Variants in KAZN observed in about 807,000 individuals in gnomAD.
The protein encoded by KAZN is kazrin.
In KAZN, 40 loss-of-function variants were observed where a neutral mutation model predicts 87.4. The observed-to-expected ratio is 0.46, with a 90% confidence interval of 0.36 to 0.60. KAZN has a LOEUF of 0.60. Among genes scored for constraint, KAZN ranks in the 20% least tolerant of loss-of-function variants. The pLI is 0.00. For missense variants in KAZN, 898 were observed against 1,073.9 expected, an observed-to-expected ratio of 0.84 and a Z score of 2.29; for synonymous variants, 466 against 458.3, an observed-to-expected ratio of 1.02 and a Z score of -0.22.
intron 8 of KAZN, among the ~76,000 whole-genome samples, chr1:15,082,003 G>A (rs1444170630): frequency 6.6e-6 from 1 of 152,200 alleles, no homozygotes; most frequent in Non-Finnish European, 1.5e-5. Flanking sequence ...GATACAGCTG[G>A]AGTGCTCCAG....
intron 2 of KAZN, among the ~76,000 whole-genome samples, chr1:14,358,911 G>A (rs6683815): frequency 0.018 from 2,665 of 152,276 alleles, 87 homozygotes; most frequent in African/African-American, 0.061. Flanking sequence ...TTTTGATTTG[G>A]GGTGGAGAGT....
intron 2 of KAZN, among the ~76,000 whole-genome samples, chr1:14,501,937 C>A (rs1262870588): frequency 1.3e-5 from 2 of 152,120 alleles, no homozygotes; most frequent in African/African-American, 4.8e-5. Flanking sequence ...AACAGCAGAT[C>A]AGTTCTTCCT....
intron 2 of KAZN, among the ~76,000 whole-genome samples, chr1:14,497,463 A>G (rs1451100107): frequency 6.6e-6 from 1 of 152,166 alleles, no homozygotes; most frequent in African/African-American, 2.4e-5. Context: ...TCACAAAAGT[A>G]AATCAGAGTC....
intron 2 of KAZN, among the ~76,000 whole-genome samples, chr1:14,346,214 C>A (rs1658096539): frequency 6.6e-6 from 1 of 152,124 alleles, no homozygotes; most frequent in Non-Finnish European, 1.5e-5. Flanking sequence ...TGAAAATGCA[C>A]AAGACTCTTC....
chr1:14,583,185 G>C (rs1351075426), intron 2 of KAZN, among the ~76,000 whole-genome samples: 1 of 152,244 alleles, frequency 6.6e-6, no homozygotes, highest in Non-Finnish European at 1.5e-5. Context: ...CAGAGACCTG[G>C]TGGAGGTCAA....
intron 2 of KAZN, chr1:14,350,833 C>T (rs1658485860): frequency 6.6e-6 from 1 of 152,302 alleles, no homozygotes; most frequent in Non-Finnish European, 1.5e-5. Context: ...GCAAATTTCC[C>T]CAGAGTTTCA....
chr1:14,290,237 G>A (rs998047015), intron 2 of KAZN, among the ~76,000 whole-genome samples: 3 of 152,172 alleles, frequency 2.0e-5, no homozygotes, highest in African/African-American at 7.2e-5. Flanking sequence ...TTGCTAGGTT[G>A]GGTATTATCT....
In KAZN at chr1:14,762,409, C is replaced by A. The variant is rs570233580; in HGVS notation, c.226+163186C>A. The stretch of plus-strand genomic sequence containing the variant: ...GGGCTTCAGGTAGCAGGTGGTGGGA[C>A]CTTCCTGGCATGGTGGCATCAAGAA... On this transcript the variant is annotated intron_variant, in intron 1 of 14. Coordinates refer to ENST00000376030, the MANE Select transcript of KAZN (RefSeq NM_201628.3). 1.4e-4 allele frequency among the ~76,000 whole-genome samples: 21 copies of A among 152,214 alleles called. No homozygotes were observed. In the South Asian group the frequency reaches 3.1e-3, roughly 23 times the overall value.
chr1:13,950,627 C>T (rs542195320), intron 1 of KAZN, among the ~76,000 whole-genome samples: 4 of 152,168 alleles, frequency 2.6e-5, no homozygotes, highest in South Asian at 2.1e-4. Flanking sequence ...AAGGCAGCGT[C>T]GGACTGCAGG....
At chr1:14,214,932 A>G (rs1318711014) in intron 2 of KAZN, among the ~76,000 whole-genome samples, 1 of 152,258 alleles carries the variant, frequency 6.6e-6, no homozygotes, top group Non-Finnish European at 1.5e-5. Flanking sequence ...AACACAGGTA[A>G]GGTGATAAAT....
chr1:14,743,910 A>G (rs1233252346), intron 1 of KAZN, among the ~76,000 whole-genome samples: 1 of 152,166 alleles, frequency 6.6e-6, no homozygotes, highest in Non-Finnish European at 1.5e-5. Context: ...GAGGGGATCA[A>G]TCTTACCTCA....
At chr1:14,553,677 G>T (rs1187857796) in intron 2 of KAZN, among the ~76,000 whole-genome samples, 1 of 152,176 alleles carries the variant, frequency 6.6e-6, no homozygotes, top group Non-Finnish European at 1.5e-5. Flanking sequence ...CCCCTCTTGG[G>T]CTTGGGGCTC....
Position 15,021,881 on chromosome 1 carries a change from A to C in KAZN, c.419-12868A>C, listed in dbSNP as rs1416203410. Reference sequence around the variant, plus strand: ...ACCCGAGACTAGGACATTTACAAAGAAAAAGAGGTTGGGGAGGCCTCATAA... The same window carrying C: ...ACCCGAGACTAGGACATTTACAAAGCAAAAGAGGTTGGGGAGGCCTCATAA... On this transcript the variant is annotated intron_variant, in intron 2 of 14. Coordinates refer to ENST00000376030, the MANE Select transcript of KAZN (RefSeq NM_201628.3). This position sits in a 1 kb window ranked among gnomAD's most constrained non-coding sequence, Gnocchi z 4.2. 1.4e-5 allele frequency among the ~76,000 whole-genome samples: 2 copies of C among 148,064 alleles called. No homozygotes were observed. The highest frequency in any genetic ancestry group is 2.5e-5 in the African/African-American group (1 of 40,194).
At chr1:14,833,852 G>C (rs936808092) in intron 1 of KAZN, among the ~76,000 whole-genome samples, 20 of 152,056 alleles carry the variant, frequency 1.3e-4, no homozygotes, top group Middle Eastern at 3.4e-3. Flanking sequence ...GCCTCGTTCA[G>C]TTCATACAAC....
chr1:14,563,365 C>A (rs1674362654), intron 2 of KAZN, among the ~76,000 whole-genome samples: 1 of 152,128 alleles, frequency 6.6e-6, no homozygotes, highest in Non-Finnish European at 1.5e-5. Context: ...CATGGTGTGA[C>A]CAGTAAGATG....
At chr1:14,691,087 T>C (rs2148784446) in intron 1 of KAZN, among the ~76,000 whole-genome samples, 1 of 152,358 alleles carries the variant, frequency 6.6e-6, no homozygotes, top group African/African-American at 2.4e-5. Context: ...ATTACTCTGC[T>C]GACTAAACAA....
intron 1 of KAZN, among the ~76,000 whole-genome samples, chr1:13,988,738 A>G (rs1046633597): frequency 1.3e-5 from 2 of 152,342 alleles, no homozygotes; most frequent in South Asian, 2.1e-4. Flanking sequence ...CTTTGTTAAT[A>G]AAGAAAAACA....
intron 3 of KAZN, among the ~76,000 whole-genome samples, chr1:15,042,395 T>G (rs1293218942): frequency 6.6e-6 from 1 of 152,138 alleles, no homozygotes; most frequent in Non-Finnish European, 1.5e-5. Context: ...CAGCTTCAAA[T>G]AAAGAAAACA....
intron 1 of KAZN, among the ~76,000 whole-genome samples, chr1:14,642,271 G>A (rs557980605): frequency 2.0e-4 from 30 of 152,290 alleles, no homozygotes; most frequent in African/African-American, 7.2e-4. Context: ...GTGGTGGCGC[G>A]TGCCTGTAGT....
Sources: allele counts gnomAD v4.1 joint callset (sites outside exome capture counted in the v4.1 genomes callset), GRCh38; gene constraint gnomAD v4.1.1; non-coding constraint Gnocchi (gnomAD v3.1); transcripts MANE v1.5; gene names NCBI Gene and HGNC (gene_info 2026-07-23, HGNC 2026-07-21).